Variants in MTMR10 observed in about 807,000 individuals in gnomAD.
MTMR10 encodes the protein myotubularin related protein 10, also known as myotubularin-related protein 10.
Under a neutral mutation model 88.1 loss-of-function variants are expected in MTMR10, and 56 were observed. The ratio of observed to expected loss-of-function variants is 0.64; its 90% CI spans 0.51 to 0.79. The LOEUF is 0.79. Among genes scored for constraint, MTMR10 ranks in the 30% least tolerant of loss-of-function variants. MTMR10 has a pLI of 0.00. For missense variants in MTMR10, 883 were observed against 924.7 expected (o/e 0.95, Z 0.58); for synonymous variants, 380 against 340.9 (o/e 1.11, Z -1.26).
At chr15:30,970,062 T>G (rs1434638246) in intron 5 of MTMR10, among the ~76,000 whole-genome samples, 1 of 152,182 alleles carries the variant, frequency 6.6e-6, no homozygotes, top group Non-Finnish European at 1.5e-5. Flanking sequence ...TTCCAAGGTA[T>G]TCACATAATA....
rs547243810 is a variant in MTMR10 at position 30,951,989 on chromosome 15, G to T, written c.1186C>A (p.His396Asn). Residue 396 changes from histidine (H) to asparagine (N), a missense_variant, in exon 12 of 16, where the codon CAT becomes AAT. His to Asn is a moderately conservative substitution (Grantham distance 68). Around this residue, in one of 3 missense-constraint regions of MTMR10, gnomAD observed 126 missense variants for 178.2 expected, o/e 0.71. Coordinates refer to ENST00000435680, the MANE Select transcript of MTMR10 (RefSeq NM_017762.3). ...TTACCTTGTAGGACTACAGAGAGAT[G>T]TTTGCTTTCTAGCATGTATACAAGT... ...AELVYMLESK[H>N]LSVVLQEEEG... is the part of the protein sequence containing the mutation. The T allele has an allele frequency of 8.1e-6, 13 of 1,613,678 alleles. No homozygotes were observed. Among genetic ancestry groups the T allele is most frequent in the Non-Finnish European group, 1.1e-5 (13 of 1,179,674 alleles).
the MTMR10 span, chr15:30,922,127 A>G: frequency 1.5e-6 from 2 of 1,375,190 alleles, no homozygotes; most frequent in Non-Finnish European, 2.0e-6. Flanking sequence ...TGTAGAATGG[A>G]AAGATACGCA....
At chr15:30,962,668 T>A (rs1174320279) in intron 6 of MTMR10, among the ~76,000 whole-genome samples, 1 of 152,116 alleles carries the variant, frequency 6.6e-6, no homozygotes, top group Non-Finnish European at 1.5e-5. Flanking sequence ...ATAAGACAGG[T>A]ATTTTCTGAG....
the MTMR10 span, among the ~76,000 whole-genome samples, chr15:30,919,377 T>TA: frequency 3.4e-5 from 1 of 28,994 alleles, no homozygotes; most frequent in African/African-American, 1.7e-4. Context: ...AAACTCCGTC[T>TA]CAAAAAAAAA....
At position 30,952,037 on chromosome 15, in the gene MTMR10, C is replaced by T; in HGVS notation, c.1138G>A (p.Ala380Thr). Residue 380 changes from alanine to threonine, a missense_variant and splice_region_variant, in exon 12 of 16, where the codon GCA becomes ACA. By Grantham distance (58) the Ala-to-Thr change is moderately conservative. Transcript: ENST00000435680. ...ENTRWLEYVR[A>T]FLKHSAELVY... ...AGTTCTGCTGAATGCTTAAGGAATG[C>T]CCTGAAGAGAGAAAAGGAAAAGCAG... is the stretch of plus-strand genomic sequence containing the variant. 1 of 1,612,970 alleles carries T rather than the reference C, an allele frequency of 6.2e-7. No individual in the cohort carries two copies. Among genetic ancestry groups the T allele is most frequent in the South Asian group, 1.1e-5 (1 of 91,042 alleles).
At chr15:30,931,213 T>C in the MTMR10 span, among the ~76,000 whole-genome samples, 1 of 152,240 alleles carries the variant, frequency 6.6e-6, no homozygotes, top group Non-Finnish European at 1.5e-5. Flanking sequence ...AAAAAATTTT[T>C]TAAAAAGCTC....
At chr15:30,962,482 T>C (rs1283284423) in intron 6 of MTMR10, among the ~76,000 whole-genome samples, 1 of 152,212 alleles carries the variant, frequency 6.6e-6, no homozygotes, top group Non-Finnish European at 1.5e-5. Context: ...CCTTAAACTT[T>C]CAATAAGCTC....
intron 6 of MTMR10, among the ~76,000 whole-genome samples, chr15:30,965,021 A>C (rs146426043): frequency 2.1e-4 from 32 of 152,356 alleles, no homozygotes; most frequent in African/African-American, 7.0e-4. Context: ...GTGAGTATTA[A>C]TCAGTTCAAA....
At position 30,943,072 on chromosome 15, in the gene MTMR10, C is replaced by T; in HGVS notation, c.1549G>A (p.Glu517Lys). 1 of 1,525,202 alleles carries T rather than the reference C, an allele frequency of 6.6e-7. No homozygotes were observed. The highest frequency in any genetic ancestry group is 1.7e-4 in the Middle Eastern group (1 of 5,844). 94.5% of individuals were successfully genotyped at this position (1,525,202 alleles called of 1,614,324 possible). The change falls in exon 15 of 16, where the codon GAA (glutamate) becomes AAA (lysine). Residue 517 changes from glutamate to lysine, a missense_variant and splice_region_variant. Glu to Lys is a moderately conservative substitution (Grantham distance 56, BLOSUM62 1). Coordinates refer to ENST00000435680, the MANE Select transcript of MTMR10 (RefSeq NM_017762.3). ...SPHQRVKQSTEFAISKNIQLG... is the reference protein window; with the variant it reads ...SPHQRVKQSTKFAISKNIQLG... ...TGGATGTTTTTGCTTATAGCAAATT[C>T]CTGCAAAATAAATAAATAAATATTT...
intron 11 of MTMR10, among the ~76,000 whole-genome samples, chr15:30,952,307 C>G (rs2063259991): frequency 6.6e-6 from 1 of 152,216 alleles, no homozygotes. Flanking sequence ...ATAGCTTTCG[C>G]ATTACCGTAA....
At chr15:30,982,401 T>C (rs1057150151) in intron 2 of MTMR10, among the ~76,000 whole-genome samples, 1 of 152,150 alleles carries the variant, frequency 6.6e-6, no homozygotes, top group Non-Finnish European at 1.5e-5. Context: ...CTATCCTCTT[T>C]TGTACAACTC....
intron 2 of MTMR10, among the ~76,000 whole-genome samples, chr15:30,983,676 G>T (rs908500807): frequency 4.6e-5 from 7 of 152,178 alleles, no homozygotes; most frequent in African/African-American, 1.7e-4. Context: ...TAGGGTGACT[G>T]CCCCAGTTTG....
the MTMR10 span, among the ~76,000 whole-genome samples, chr15:30,923,992 C>G: frequency 6.6e-6 from 1 of 152,186 alleles, no homozygotes; most frequent in African/African-American, 2.4e-5. Flanking sequence ...GGCAACTACG[C>G]CCCGCTTTCC....
At chr15:30,922,836 C>G in the MTMR10 span, among the ~76,000 whole-genome samples, 1 of 152,242 alleles carries the variant, frequency 6.6e-6, no homozygotes, top group Non-Finnish European at 1.5e-5. Flanking sequence ...GTGTTTTGCT[C>G]TGCCATTTGG....
the MTMR10 span, chr15:30,927,378 G>C: frequency 4.1e-6 from 4 of 985,530 alleles, no homozygotes; most frequent in African/African-American, 7.0e-5. Context: ...TGGAAGACTT[G>C]GCAACAGCCA....
At chr15:30,970,061 A>G (rs922525454) in intron 5 of MTMR10, among the ~76,000 whole-genome samples, 1 of 152,174 alleles carries the variant, frequency 6.6e-6, no homozygotes. Context: ...CTTCCAAGGT[A>G]TTCACATAAT....
intron 6 of MTMR10, among the ~76,000 whole-genome samples, chr15:30,964,649 T>C (rs2063451511): frequency 6.6e-6 from 1 of 152,210 alleles, no homozygotes; most frequent in South Asian, 2.1e-4. Flanking sequence ...ACCAGTGGCC[T>C]GCTCTATGAG....
intron 2 of MTMR10, among the ~76,000 whole-genome samples, chr15:30,985,660 C>T (rs1003269882): frequency 8.5e-5 from 13 of 152,182 alleles, no homozygotes; most frequent in Admixed American, 3.9e-4. Context: ...TAAGGATCCT[C>T]GTTCAAAGTA....
chr15:30,975,010 T>A lies in MTMR10; in HGVS notation c.259-7A>T. 7 of 1,535,450 alleles carry A rather than the reference T, an allele frequency of 4.6e-6. No homozygotes were observed. In the South Asian group the frequency reaches 8.4e-5, roughly 18 times the overall value. On this transcript the variant is annotated splice_region_variant and splice_polypyrimidine_tract_variant and intron_variant, in intron 3 of 15. Transcript: ENST00000435680. ...GGTTTCTGTAATGGAATTTCTGGAA[T>A]AAAAAATTATGTTCATATTAATTCT...
Sources: gnomAD v4.1 joint callset for allele counts (sites outside exome capture counted in the v4.1 genomes callset) on GRCh38, gnomAD v4.1.1 for gene constraint, gnomAD v4.1.1 regional missense constraint, MANE v1.5 for transcripts, NCBI Gene and HGNC (gene_info 2026-07-23, HGNC 2026-07-21) for gene names.